VAV2: variants seen among roughly 807,000 people sequenced by gnomAD.
The protein encoded by VAV2 is vav guanine nucleotide exchange factor 2, also known as guanine nucleotide exchange factor VAV2.
VAV2 carries 67 observed loss-of-function variants against 132.5 expected under a neutral mutation model. The observed-to-expected ratio is 0.51, with a 90% CI of 0.42 to 0.62. The LOEUF (loss-of-function observed/expected upper bound fraction) is 0.62, where lower values mean the gene tolerates loss of function less well. Ranked by LOEUF, VAV2 falls within the 20% of genes least tolerant of loss-of-function variation. The pLI is 0.00. For missense variants in VAV2, 938 were observed against 1,153.6 expected (o/e 0.81, Z 2.71); for synonymous variants, 492 against 443.5 (o/e 1.11, Z -1.37).
chr9:133,927,060 C>T (rs1840503410), intron 2 of VAV2, among the ~76,000 whole-genome samples: 2 of 152,150 alleles, frequency 1.3e-5, no homozygotes. Context: ...TTGCTTTACT[C>T]AGGCTGAGTC....
At chr9:133,937,510 G>GTA (rs1460408504) in intron 2 of VAV2, among the ~76,000 whole-genome samples, 6 of 139,242 alleles carry the variant, frequency 4.3e-5, no homozygotes, top group African/African-American at 1.5e-4. Flanking sequence ...GCGTGTGAGT[G>GTA]TGTGTGCGCG....
At chr9:133,869,324 G>A (rs1026872769) in intron 2 of VAV2, among the ~76,000 whole-genome samples, 2 of 151,974 alleles carry the variant, frequency 1.3e-5, no homozygotes, top group African/African-American at 4.8e-5. Flanking sequence ...AAGTCTTTAA[G>A]GCCAGGTGCA....
At position 133,823,012 on chromosome 9, in the gene VAV2, C is replaced by T. The variant is rs1353728531; in HGVS notation, c.450-10796G>A. 2.0e-5 allele frequency among the ~76,000 whole-genome samples: 3 copies of T among 152,132 alleles called. No individual in the cohort carries two copies. Among genetic ancestry groups the T allele is most frequent in the Admixed American group, 2.0e-4 (3 of 15,272 alleles). ...CAGAGTTGTGAGGGCTGAGATGAAG[C>T]GGCAAAGCCCAGGGCCTGGCTCTCA... On this transcript the variant is annotated intron_variant, in intron 4 of 29. Transcript: ENST00000371850. The surrounding 1 kb of genome is among the most constrained non-coding windows in gnomAD (Gnocchi z 5.5).
At chr9:133,825,735 C>T (rs2428094) in intron 4 of VAV2, among the ~76,000 whole-genome samples, 11,203 of 152,122 alleles carry the variant, frequency 0.074, 1,124 homozygotes, top group African/African-American at 0.23. Context: ...TCCTTGTACC[C>T]CTGCAGACAA....
At chr9:133,780,617 T>G in intron 20 of VAV2, 77 bp downstream of exon 20, 15 of 1,281,148 alleles carry the variant, frequency 1.2e-5, no homozygotes, top group Non-Finnish European at 1.4e-5. Flanking sequence ...GGCAGACAAT[T>G]GGGTCTTTCT....
intron 2 of VAV2, among the ~76,000 whole-genome samples, chr9:133,909,534 C>T (rs1348328964): frequency 6.6e-6 from 1 of 152,214 alleles, no homozygotes; most frequent in African/African-American, 2.4e-5. Flanking sequence ...CAGCGCCTAG[C>T]ACAAATCTGT....
chr9:133,898,790 G>A (rs1251031729), intron 2 of VAV2, among the ~76,000 whole-genome samples: 3 of 147,640 alleles, frequency 2.0e-5, no homozygotes, highest in South Asian at 2.2e-4. Context: ...AGGCCGTGTC[G>A]GATCCAGGGA....
intron 2 of VAV2, among the ~76,000 whole-genome samples, chr9:133,869,261 T>C (rs538778910): frequency 6.6e-6 from 1 of 152,132 alleles, no homozygotes; most frequent in Admixed American, 6.5e-5. Context: ...GTGCCGGGAT[T>C]ACAGGCAGGA....
intron 1 of VAV2, among the ~76,000 whole-genome samples, chr9:133,987,677 G>A (rs1388778866): frequency 6.6e-6 from 1 of 152,214 alleles, no homozygotes; most frequent in Non-Finnish European, 1.5e-5. Flanking sequence ...GGGCAAGTCA[G>A]AGGCTGGGCG....
intron 1 of VAV2, among the ~76,000 whole-genome samples, chr9:133,985,124 CAT>C: frequency 6.6e-6 from 1 of 152,056 alleles, no homozygotes; most frequent in East Asian, 1.9e-4. Context: ...TAAATAAATA[CAT>C]ACACACACAT....
chr9:133,861,200 C>T (rs771154179), intron 3 of VAV2, 174 bp downstream of exon 3: 2 of 619,898 alleles, frequency 3.2e-6, no homozygotes, highest in Non-Finnish European at 2.6e-6. Flanking sequence ...AGCCTCCCGC[C>T]CCCCACACCC....
chr9:133,797,628 G>T, intron 10 of VAV2, 82 bp downstream of exon 10: 2 of 1,235,618 alleles, frequency 1.6e-6, no homozygotes, highest in East Asian at 2.5e-5. Flanking sequence ...ATGGGCAAGA[G>T]AGAGGCTGGT....
intron 1 of VAV2, among the ~76,000 whole-genome samples, chr9:133,983,646 T>C (rs1842765579): frequency 6.6e-6 from 1 of 151,910 alleles, no homozygotes; most frequent in African/African-American, 2.4e-5. Flanking sequence ...CAGAGAACTC[T>C]CTCTCTTCGC....
At chr9:133,958,278 G>A (rs1369280678) in intron 1 of VAV2, among the ~76,000 whole-genome samples, 1 of 134,276 alleles carries the variant, frequency 7.4e-6, no homozygotes, top group African/African-American at 2.6e-5. Flanking sequence ...TCTCCTGCCT[G>A]TCCCTGGGCA....
At chr9:133,891,568 A>G (rs1369875057) in intron 2 of VAV2, among the ~76,000 whole-genome samples, 13 of 5,286 alleles carry the variant, frequency 2.5e-3, no homozygotes, top group African/African-American at 3.8e-3. Flanking sequence ...GTATGGAGGG[A>G]AGGGATGGAG....
intron 1 of VAV2, among the ~76,000 whole-genome samples, chr9:133,952,710 C>A (rs1588161987): frequency 6.6e-6 from 1 of 152,138 alleles, no homozygotes; most frequent in African/African-American, 2.4e-5. Flanking sequence ...GACAAGAGGC[C>A]GTGTGACGAC....
chr9:133,965,839 A>C (rs1842124643), intron 1 of VAV2, among the ~76,000 whole-genome samples: 1 of 152,232 alleles, frequency 6.6e-6, no homozygotes, highest in Non-Finnish European at 1.5e-5. Context: ...ATCCTGAACA[A>C]AAACAACAAA....
chr9:133,794,337 G>A lies in VAV2; in HGVS notation c.1101+1331C>T, dbSNP rs565858044. Among the ~76,000 whole-genome samples the A allele has an allele frequency of 2.1e-4, 32 of 152,060 alleles. No homozygotes were observed. Among genetic ancestry groups the A allele is most frequent in the African/African-American group, 7.7e-4 (32 of 41,474 alleles). ...TCCTGGAGCATTCCTCAGGGTGCTC[G>A]CTGCCCAGTGCAGCCGAGCGGGAAT... is the stretch of plus-strand genomic sequence containing the variant. On this transcript the variant is annotated intron_variant, in intron 12 of 29. Transcript: ENST00000371850. The surrounding 1 kb of genome is among the most constrained non-coding windows in gnomAD (Gnocchi z 4.6).
At chr9:133,803,781 C>T (rs1021462195) in intron 9 of VAV2, among the ~76,000 whole-genome samples, 4 of 152,182 alleles carry the variant, frequency 2.6e-5, no homozygotes, top group Non-Finnish European at 4.4e-5. Flanking sequence ...CTCGTGCCCT[C>T]GCTTAATAAA....
Sources: allele counts gnomAD v4.1 joint callset (sites outside exome capture counted in the v4.1 genomes callset), GRCh38; gene constraint gnomAD v4.1.1; non-coding constraint Gnocchi (gnomAD v3.1); transcripts MANE v1.5; gene names NCBI Gene and HGNC (gene_info 2026-07-23, HGNC 2026-07-21).